Variants in CDH23 observed in about 807,000 individuals in gnomAD.
The protein encoded by CDH23 is cadherin-23.
CDH23 carries 189 observed loss-of-function variants against 317.1 expected under a neutral mutation model. The observed-to-expected ratio is 0.60, with a 90% CI of 0.53 to 0.67. The LOEUF is 0.67. Among genes scored for constraint, CDH23 ranks in the 30% least tolerant of loss-of-function variants. The pLI, the probability that CDH23 is intolerant of heterozygous loss-of-function variation, is 0.00. For synonymous variants in CDH23, 1,839 were observed against 1,876.8 expected (o/e 0.98, Z 0.52); for missense variants, 4,401 against 4,592.4 (o/e 0.96, Z 1.20).
At chr10:71,607,729 C>T (rs1320034929) in intron 9 of CDH23, among the ~76,000 whole-genome samples, 3 of 152,144 alleles carry the variant, frequency 2.0e-5, no homozygotes, top group Non-Finnish European at 2.9e-5. Flanking sequence ...ATGGTGAAAC[C>T]CTGTCTCTAC....
At chr10:71,653,522 C>T (rs972281347) in intron 14 of CDH23, among the ~76,000 whole-genome samples, 6 of 152,226 alleles carry the variant, frequency 3.9e-5, no homozygotes, top group African/African-American at 9.6e-5. Context: ...TCCAGGAAAG[C>T]CAGTTCACTG....
In CDH23 at chr10:71,798,395, C is replaced by T; in HGVS notation, c.6871C>T (p.Pro2291Ser). ...VNVLDVNDNT[P>S]QFKPFGITYY... Reference sequence around the variant, plus strand: ...CGTCCTGGACGTCAATGACAATACGCCCCAGTTCAAGCCCTTTGGGATCAC... The same window carrying T: ...CGTCCTGGACGTCAATGACAATACGTCCCAGTTCAAGCCCTTTGGGATCAC... The change falls in exon 50 of 70, where the codon CCC becomes TCC. Residue 2291 changes from proline (P) to serine (S), a missense_variant. Coordinates refer to ENST00000224721, the MANE Select transcript of CDH23 (RefSeq NM_022124.6). 1.2e-6 allele frequency: 2 copies of T among 1,613,972 alleles called. No homozygotes were observed. The highest frequency in any genetic ancestry group is 1.7e-6 in the Non-Finnish European group (2 of 1,179,852).
rs1392022472 is a variant in CDH23, at chr10:71,751,418, C to T, written c.4845+9497C>T. ...CCTCTGTCCCTCACCCTCAACCCCA[C>T]CCCGTGAGGCCGTGGAACTCTTCAG... On this transcript the variant is annotated intron_variant, in intron 38 of 69. Transcript: ENST00000224721. The surrounding 1 kb of genome is among the most constrained non-coding windows in gnomAD (Gnocchi z 4.9). 2 of 451,788 alleles carry T rather than the reference C, an allele frequency of 4.4e-6. No homozygotes were observed. Among genetic ancestry groups the T allele is most frequent in the Non-Finnish European group, 7.9e-6 (2 of 253,956 alleles). The allele number at this position is 451,788 out of a possible 1,614,324, so 28.0% of individuals were successfully genotyped here. A position where few individuals can be genotyped will look rare whatever the true frequency, so the allele number is the denominator to read the frequency against.
intron 11 of CDH23, among the ~76,000 whole-genome samples, chr10:71,630,405 G>T (rs1861950223): frequency 6.6e-6 from 1 of 152,198 alleles, no homozygotes. Flanking sequence ...TTTCCTAGGA[G>T]TGACTGCCGT....
intron 17 of CDH23, among the ~76,000 whole-genome samples, chr10:71,682,117 G>A (rs754126514): frequency 2.0e-5 from 3 of 152,206 alleles, no homozygotes; most frequent in Non-Finnish European, 2.9e-5. Flanking sequence ...TCTGGATTCA[G>A]CCAAACCTAG....
In CDH23 at chr10:71,430,341, C is replaced by T. The variant is rs150325672; in HGVS notation, c.-5-9486C>T. Among the ~76,000 whole-genome samples the T allele has an allele frequency of 1.4e-3, 216 of 152,110 alleles. 1 individual carries two copies. The East Asian group carries it at 0.02, about 14-fold the overall frequency. ...AGTGATGGCAAAGATGTGGGGAAAC[C>T]GCTTTTTCCTCATTGTTGGTGGTGG... On this transcript the variant is annotated intron_variant, in intron 1 of 69. Transcript: ENST00000224721.
At chr10:71,718,981 G>C (rs898673294) in intron 28 of CDH23, among the ~76,000 whole-genome samples, 1 of 152,038 alleles carries the variant, frequency 6.6e-6, no homozygotes, top group African/African-American at 2.4e-5. Context: ...AGGAGGCTGA[G>C]GCAGAAGGAT....
chr10:71,643,127 A>G (rs1862643754), intron 11 of CDH23, among the ~76,000 whole-genome samples: 1 of 152,188 alleles, frequency 6.6e-6, no homozygotes, highest in African/African-American at 2.4e-5. Context: ...TGGACCAATC[A>G]CCAAGATGTA....
At chr10:71,447,229 T>G (rs1850214625) in intron 3 of CDH23, among the ~76,000 whole-genome samples, 1 of 152,138 alleles carries the variant, frequency 6.6e-6, no homozygotes, top group African/African-American at 2.4e-5. Flanking sequence ...GGAGCATCAC[T>G]TGAACTTGGA....
chr10:71,519,244 C>T (rs1854519595), intron 6 of CDH23, among the ~76,000 whole-genome samples: 1 of 152,192 alleles, frequency 6.6e-6, no homozygotes, highest in Admixed American at 6.5e-5. Flanking sequence ...GCCCCCTGCC[C>T]TTTAAATAAA....
At chr10:71,507,120 TG>T (rs1853685130) in intron 3 of CDH23, among the ~76,000 whole-genome samples, 1 of 152,012 alleles carries the variant, frequency 6.6e-6, no homozygotes, top group African/African-American at 2.4e-5. Context: ...ATCCTCCACC[TG>T]GGCTGGGCCC....
chr10:71,777,441 G>C (rs1027710417), intron 38 of CDH23, among the ~76,000 whole-genome samples: 1 of 151,934 alleles, frequency 6.6e-6, no homozygotes, highest in Non-Finnish European at 1.5e-5. Flanking sequence ...GCTGGGGGTC[G>C]CAGACATAGG....
At chr10:71,625,369 C>A (rs1403661933) in intron 11 of CDH23, among the ~76,000 whole-genome samples, 2 of 140,206 alleles carry the variant, frequency 1.4e-5, no homozygotes, top group African/African-American at 5.3e-5. Context: ...ACCCACCTCC[C>A]CATGGAGAAA....
intron 9 of CDH23, among the ~76,000 whole-genome samples, chr10:71,613,654 A>C (rs1010416832): frequency 1.3e-5 from 2 of 152,166 alleles, no homozygotes; most frequent in Admixed American, 1.3e-4. Context: ...CTAAAGTTAG[A>C]AGAGGAAATT....
At chr10:71,683,710 G>T (rs1388844780) in intron 18 of CDH23, among the ~76,000 whole-genome samples, 1 of 152,170 alleles carries the variant, frequency 6.6e-6, no homozygotes, top group African/African-American at 2.4e-5. Context: ...GAGAGTTGGG[G>T]CCTGGCTTCT....
chr10:71,742,961 C>T lies in CDH23; in HGVS notation c.4845+1040C>T, dbSNP rs138129016. Reference sequence around the variant, plus strand: ...GGTGCTATGCTTCTGAGGGTTGGCTCGCCAGCAGCTGGGGTGACAGGGACA... The same window carrying T: ...GGTGCTATGCTTCTGAGGGTTGGCTTGCCAGCAGCTGGGGTGACAGGGACA... On this transcript the variant is annotated intron_variant, in intron 38 of 69. Transcript: ENST00000224721. 2.5e-4 allele frequency among the ~76,000 whole-genome samples: 38 copies of T among 152,272 alleles called. No individual in the cohort carries two copies. The East Asian group carries it at 2.9e-3, about 12-fold the overall frequency.
chr10:71,419,528 G>C (rs185299158), intron 1 of CDH23, among the ~76,000 whole-genome samples: 1 of 152,166 alleles, frequency 6.6e-6, no homozygotes, highest in Admixed American at 6.5e-5. Flanking sequence ...AGGTTTGGTG[G>C]TTTTGAATTC....
chr10:71,715,944 T>C (rs1866199472), intron 28 of CDH23: 2 of 1,467,414 alleles, frequency 1.4e-6, no homozygotes, highest in Non-Finnish European at 9.0e-7. Context: ...CATTACATCT[T>C]GGTAGATTCC....
intron 9 of CDH23, among the ~76,000 whole-genome samples, chr10:71,603,465 C>A (rs111327425): frequency 1.4e-5 from 1 of 72,782 alleles, no homozygotes; most frequent in Non-Finnish European, 2.2e-5. Flanking sequence ...GAACAGACAG[C>A]CAGCCCTCTG....
Sources: gnomAD v4.1 joint callset for allele counts (sites outside exome capture counted in the v4.1 genomes callset) on GRCh38, gnomAD v4.1.1 for gene constraint, Gnocchi (gnomAD v3.1) non-coding constraint, MANE v1.5 for transcripts, NCBI Gene and HGNC (gene_info 2026-07-23, HGNC 2026-07-21) for gene names.